The following GABRA5 variants were observed in gnomAD, a reference collection of about 807,000 sequenced individuals.
The protein encoded by GABRA5 is gamma-aminobutyric acid receptor subunit alpha-5.
In GABRA5, 18 loss-of-function variants were observed where a neutral mutation model predicts 47.3. The observed-to-expected ratio is 0.38, with a 90% CI of 0.26 to 0.56. The LOEUF is 0.56. Among genes scored for constraint, GABRA5 ranks in the 20% least tolerant of loss-of-function variants. The pLI is 0.71. For synonymous variants in GABRA5, 237 were observed against 229.3 expected (o/e 1.03, Z -0.30); for missense variants, 365 against 599.3 (o/e 0.61, Z 4.08).
At chr15:26,887,079 C>A (rs1892897520) in intron 6 of GABRA5, among the ~76,000 whole-genome samples, 1 of 152,150 alleles carries the variant, frequency 6.6e-6, no homozygotes, top group South Asian at 2.1e-4. Flanking sequence ...TCATGGAAAG[C>A]CAATGGTATA....
intron 8 of GABRA5, 126 bp downstream of exon 8, chr15:26,937,454 C>A (rs1595434716): frequency 1.0e-6 from 1 of 979,146 alleles, no homozygotes; most frequent in Non-Finnish European, 1.5e-6. Context: ...TCCCACACAA[C>A]CTGTCCTGGC....
chr15:26,877,472 A>G (rs1892626449), intron 3 of GABRA5, among the ~76,000 whole-genome samples: 2 of 152,232 alleles, frequency 1.3e-5, no homozygotes, highest in African/African-American at 2.4e-5. Context: ...TTAAGAAGAC[A>G]GATAAGCTGC....
intron 6 of GABRA5, among the ~76,000 whole-genome samples, chr15:26,893,195 ATAGT>A (rs1467989091): frequency 4.6e-5 from 3 of 65,650 alleles, no homozygotes; most frequent in Non-Finnish European, 6.6e-5. Flanking sequence ...GTGTGTGTGT[ATAGT>A]GTGTTGGGTG....
chr15:26,921,863 GAT>G (rs1462339002), intron 7 of GABRA5, among the ~76,000 whole-genome samples: 1 of 151,972 alleles, frequency 6.6e-6, no homozygotes, highest in African/African-American at 2.4e-5. Flanking sequence ...GTATTATTTA[GAT>G]ATATGTTATT....
In GABRA5 at chr15:26,913,286, G is replaced by A. The variant is rs539150443; in HGVS notation, c.498-1517G>A. The stretch of plus-strand genomic sequence containing the variant: ...AGCCTCTGTGAGTCACTCCATCTTT[G>A]GGGAAACCTTCCGTCAAAAGTTGTG... On this transcript the variant is annotated intron_variant, in intron 6 of 10. Transcript: ENST00000335625. Among the ~76,000 whole-genome samples, 14 of 152,006 alleles carry A rather than the reference G, an allele frequency of 9.2e-5. No homozygotes were observed. The East Asian group carries it at 2.5e-3, about 27-fold the overall frequency.
chr15:26,929,920 G>C (rs1395755253), intron 7 of GABRA5, among the ~76,000 whole-genome samples: 1 of 151,668 alleles, frequency 6.6e-6, no homozygotes, highest in African/African-American at 2.4e-5. Flanking sequence ...TCCCAAACAG[G>C]CTTTCTCATT....
At chr15:26,875,938 G>A (rs572902922) in intron 3 of GABRA5, among the ~76,000 whole-genome samples, 63 of 152,268 alleles carry the variant, frequency 4.1e-4, no homozygotes, top group African/African-American at 1.5e-3. Flanking sequence ...TCTGGAGTGA[G>A]GTGAGAGGGG....
intron 6 of GABRA5, among the ~76,000 whole-genome samples, chr15:26,900,343 A>T (rs946367491): frequency 7.2e-5 from 11 of 152,144 alleles, no homozygotes; most frequent in African/African-American, 2.7e-4. Context: ...GGGATAAAAA[A>T]TGGGTTACAA....
At chr15:26,902,264 TC>T (rs1404663362) in intron 6 of GABRA5, among the ~76,000 whole-genome samples, 1 of 152,152 alleles carries the variant, frequency 6.6e-6, no homozygotes, top group East Asian at 1.9e-4. Flanking sequence ...TATTGAGTAT[TC>T]CTATGAATGA....
chr15:26,886,608 A>G (rs1892886116), intron 6 of GABRA5, among the ~76,000 whole-genome samples: 1 of 152,190 alleles, frequency 6.6e-6, no homozygotes, highest in Non-Finnish European at 1.5e-5. Context: ...AGGTCACAGG[A>G]ATTTGAGCTC....
At chr15:26,869,424 G>A (rs1892408306) in intron 3 of GABRA5, 90 bp downstream of exon 3, 1 of 797,542 alleles carries the variant, frequency 1.3e-6, no homozygotes, top group Admixed American at 1.8e-5. Flanking sequence ...CATTGAGCAA[G>A]TCCTCGCCTG....
intron 6 of GABRA5, among the ~76,000 whole-genome samples, chr15:26,894,800 C>G (rs1050316003): frequency 6.6e-6 from 1 of 152,196 alleles, no homozygotes; most frequent in African/African-American, 2.4e-5. Flanking sequence ...TCCATAGGCA[C>G]AGTCCGGCCG....
chr15:26,934,263 A>AG (rs1894181390), intron 7 of GABRA5, among the ~76,000 whole-genome samples: 1 of 151,474 alleles, frequency 6.6e-6, no homozygotes, highest in African/African-American at 2.4e-5. Context: ...AAAAAAAAAA[A>AG]AAAAGAAAGA....
chr15:26,931,340 T>G (rs931433834), intron 7 of GABRA5, among the ~76,000 whole-genome samples: 4 of 152,296 alleles, frequency 2.6e-5, no homozygotes, highest in Middle Eastern at 3.4e-3. Flanking sequence ...TGATATCTGG[T>G]CAGGGTCTGC....
At chr15:26,893,509 T>G (rs1253135212) in intron 6 of GABRA5, among the ~76,000 whole-genome samples, 1 of 144,182 alleles carries the variant, frequency 6.9e-6, no homozygotes, top group Non-Finnish European at 1.5e-5. Context: ...TGGACCTCCC[T>G]CCTGCGTGTG....
intron 6 of GABRA5, among the ~76,000 whole-genome samples, chr15:26,897,566 G>A (rs1375693740): frequency 1.3e-5 from 2 of 152,210 alleles, no homozygotes; most frequent in African/African-American, 4.8e-5. Context: ...CAAATGAAGA[G>A]CCCTGACTCG....
chr15:26,918,667 T>C (rs1283130678), intron 7 of GABRA5, among the ~76,000 whole-genome samples: 1 of 152,224 alleles, frequency 6.6e-6, no homozygotes, highest in Non-Finnish European at 1.5e-5. Context: ...GTTATATCTC[T>C]CTGGTGAATC....
At chr15:26,926,244 C>A (rs1893959715) in intron 7 of GABRA5, among the ~76,000 whole-genome samples, 1 of 152,088 alleles carries the variant, frequency 6.6e-6, no homozygotes, top group African/African-American at 2.4e-5. Context: ...AGTAGTTTTT[C>A]ATCTGACATC....
intron 4 of GABRA5, among the ~76,000 whole-genome samples, chr15:26,881,308 A>G (rs910417994): frequency 2.0e-5 from 3 of 152,182 alleles, no homozygotes; most frequent in African/African-American, 4.8e-5. Flanking sequence ...TTTAGGCGTT[A>G]CTAAAGCTGA....
Sources: allele counts gnomAD v4.1 joint callset (sites outside exome capture counted in the v4.1 genomes callset), GRCh38; gene constraint gnomAD v4.1.1; transcripts MANE v1.5; gene names NCBI Gene and HGNC (gene_info 2026-07-23, HGNC 2026-07-21).